NPAS3: variants seen among roughly 807,000 people sequenced by gnomAD.
NPAS3 encodes the protein neuronal PAS domain protein 3.
NPAS3 carries 14 observed loss-of-function variants against 73.1 expected under a neutral mutation model. That is an observed-to-expected ratio of 0.19 (90% CI 0.13 to 0.30). The LOEUF (loss-of-function observed/expected upper bound fraction) is 0.30, where lower values mean the gene tolerates loss of function less well. Among genes scored for constraint, NPAS3 ranks in the 10% least tolerant of loss-of-function variants. The pLI, the probability that NPAS3 is intolerant of heterozygous loss-of-function variation, is 1.00. For missense variants in NPAS3, 1,096 were observed against 1,250.0 expected, an observed-to-expected ratio of 0.88 and a Z score of 1.86; for synonymous variants, 620 against 541.5, an observed-to-expected ratio of 1.14 and a Z score of -2.01.
At chr14:32,952,579 T>G (rs1463199814) in intron 1 of NPAS3, among the ~76,000 whole-genome samples, 1 of 152,114 alleles carries the variant, frequency 6.6e-6, no homozygotes, top group Non-Finnish European at 1.5e-5. Context: ...TGTCTCATAG[T>G]GACATTGTTT....
intron 2 of NPAS3, among the ~76,000 whole-genome samples, chr14:33,110,287 T>G (rs555604140): frequency 2.8e-4 from 43 of 152,266 alleles, no homozygotes; most frequent in Non-Finnish European, 5.4e-4. Context: ...GGTTTTAAAT[T>G]TAATATGCAA....
chr14:33,130,097 G>A (rs2043578680), intron 2 of NPAS3, among the ~76,000 whole-genome samples: 1 of 152,118 alleles, frequency 6.6e-6, no homozygotes, highest in African/African-American at 2.4e-5. Context: ...TTCTGGTATA[G>A]CAATTATAAC....
chr14:33,087,142 A>ATAGTATACAATATAATATTGTATAAT (rs2042055709), intron 2 of NPAS3, among the ~76,000 whole-genome samples: 1 of 93,792 alleles, frequency 1.1e-5, no homozygotes, highest in African/African-American at 6.4e-5. Flanking sequence ...ATTGTATAAT[A>ATAGTATACAATATAATATTGTATAAT]ATATAGTATA....
At chr14:33,468,536 ATCAATC>A (rs2050634677) in intron 4 of NPAS3, among the ~76,000 whole-genome samples, 1 of 152,200 alleles carries the variant, frequency 6.6e-6, no homozygotes, top group Non-Finnish European at 1.5e-5. Flanking sequence ...CTCTATAAGA[ATCAATC>A]TCAGAGAATT....
chr14:33,385,860 G>T (rs1566855212), intron 4 of NPAS3, among the ~76,000 whole-genome samples: 1 of 152,188 alleles, frequency 6.6e-6, no homozygotes, highest in East Asian at 1.9e-4. Context: ...AGATGTCTGG[G>T]TCTTTCTGCT....
At chr14:33,779,729 C>T (rs544983996) in intron 9 of NPAS3, among the ~76,000 whole-genome samples, 2 of 152,294 alleles carry the variant, frequency 1.3e-5, no homozygotes, top group African/African-American at 2.4e-5. Flanking sequence ...TAGTAGGCTA[C>T]ACCATCTAGG....
chr14:33,219,767 G>A (rs927908571), intron 3 of NPAS3, among the ~76,000 whole-genome samples: 5 of 152,106 alleles, frequency 3.3e-5, no homozygotes, highest in African/African-American at 1.2e-4. Flanking sequence ...CTGAGTACAG[G>A]TCGTACTCAG....
chr14:33,768,269 T>G (rs2062529523), intron 7 of NPAS3, among the ~76,000 whole-genome samples: 1 of 152,124 alleles, frequency 6.6e-6, no homozygotes, highest in East Asian at 1.9e-4. Context: ...ACAGGAACAA[T>G]GAAAGGAAAC....
At chr14:33,769,825 C>A (rs537500480) in intron 7 of NPAS3, among the ~76,000 whole-genome samples, 1 of 121,524 alleles carries the variant, frequency 8.2e-6, no homozygotes, top group Non-Finnish European at 1.6e-5. Context: ...CGTGCAGTGG[C>A]GGAATCACGG....
At chr14:33,249,692 G>A (rs147236193) in intron 3 of NPAS3, among the ~76,000 whole-genome samples, 61 of 152,126 alleles carry the variant, frequency 4.0e-4, no homozygotes, top group African/African-American at 1.4e-3. Context: ...AATCCCTGCC[G>A]CTTTACAGTT....
chr14:33,126,050 C>T (rs1268123915), intron 2 of NPAS3, among the ~76,000 whole-genome samples: 1 of 152,162 alleles, frequency 6.6e-6, no homozygotes, highest in Non-Finnish European at 1.5e-5. Flanking sequence ...TGTGAATGGG[C>T]CATAGATACC....
intron 3 of NPAS3, among the ~76,000 whole-genome samples, chr14:33,272,154 A>G (rs2041120550): frequency 6.6e-6 from 1 of 152,162 alleles, no homozygotes; most frequent in Non-Finnish European, 1.5e-5. Context: ...TGTTTTGCTC[A>G]GCATCTTAGG....
At chr14:33,592,115 C>T (rs921469407) in intron 5 of NPAS3, among the ~76,000 whole-genome samples, 1 of 152,134 alleles carries the variant, frequency 6.6e-6, no homozygotes, top group Non-Finnish European at 1.5e-5. Flanking sequence ...ATTCACACCC[C>T]ACCCCCTCCA....
At chr14:33,744,885 G>GA (rs1373631053) in intron 7 of NPAS3, among the ~76,000 whole-genome samples, 2 of 152,072 alleles carry the variant, frequency 1.3e-5, no homozygotes, top group African/African-American at 4.8e-5. Flanking sequence ...CATGCTATTG[G>GA]AAAAATGGCA....
intron 4 of NPAS3, among the ~76,000 whole-genome samples, chr14:33,387,762 C>T (rs2046833128): frequency 6.6e-6 from 1 of 152,072 alleles, no homozygotes; most frequent in South Asian, 2.1e-4. Flanking sequence ...TTATTATGCC[C>T]TAAATTGAAT....
At chr14:33,395,356 C>A (rs2047176181) in intron 4 of NPAS3, among the ~76,000 whole-genome samples, 2 of 151,550 alleles carry the variant, frequency 1.3e-5, no homozygotes, top group Admixed American at 6.6e-5. Context: ...GGGTGTTTAT[C>A]CAGAATGAAC....
intron 1 of NPAS3, among the ~76,000 whole-genome samples, chr14:33,009,663 C>T (rs2039122664): frequency 6.6e-6 from 1 of 152,238 alleles, no homozygotes; most frequent in East Asian, 1.9e-4. Context: ...AAGTGTTTCA[C>T]ACCCTTATCT....
At chr14:33,176,533 G>A (rs1329984136) in intron 2 of NPAS3, among the ~76,000 whole-genome samples, 1 of 152,162 alleles carries the variant, frequency 6.6e-6, no homozygotes, top group East Asian at 1.9e-4. Context: ...CTTACGTGTT[G>A]TAGCATGTAT....
chr14:33,264,734 G>GTGATC (rs980681975), intron 3 of NPAS3, among the ~76,000 whole-genome samples: 1 of 152,070 alleles, frequency 6.6e-6, no homozygotes, highest in Non-Finnish European at 1.5e-5. Flanking sequence ...ATGATAGAAG[G>GTGATC]TGATCTACAG....
Sources: gnomAD v4.1 joint callset for allele counts (sites outside exome capture counted in the v4.1 genomes callset) on GRCh38, gnomAD v4.1.1 for gene constraint, MANE v1.5 for transcripts, NCBI Gene and HGNC (gene_info 2026-07-23, HGNC 2026-07-21) for gene names.